Variants in SEMA3D observed in about 807,000 individuals in gnomAD.
The protein encoded by SEMA3D is semaphorin 3D.
SEMA3D carries 84 observed loss-of-function variants against 100.1 expected under a neutral mutation model. The ratio of observed to expected loss-of-function variants is 0.84; its 90% CI spans 0.70 to 1.01. The LOEUF (loss-of-function observed/expected upper bound fraction) is 1.01. Ranked by LOEUF, SEMA3D falls within the 50% of genes least tolerant of loss-of-function variation. The pLI, the probability that SEMA3D is intolerant of heterozygous loss-of-function variation, is 0.00. For synonymous variants in SEMA3D, 312 were observed against 320.7 expected (o/e 0.97, Z 0.29); for missense variants, 875 against 934.1 (o/e 0.94, Z 0.82).
chr7:85,116,453 A>G (rs1359838004), intron 3 of SEMA3D, among the ~76,000 whole-genome samples: 1 of 148,040 alleles, frequency 6.8e-6, no homozygotes, highest in Non-Finnish European at 1.5e-5. Flanking sequence ...ACATATATAA[A>G]TACATATATA....
intron 1 of SEMA3D, among the ~76,000 whole-genome samples, chr7:85,174,202 C>T (rs1791162194): frequency 6.6e-6 from 1 of 152,132 alleles, no homozygotes; most frequent in Non-Finnish European, 1.5e-5. Flanking sequence ...GTGTTTGATA[C>T]TGTAAGGATA....
intron 1 of SEMA3D, among the ~76,000 whole-genome samples, chr7:85,166,726 T>C (rs1790917447): frequency 6.6e-6 from 1 of 151,884 alleles, no homozygotes; most frequent in Non-Finnish European, 1.5e-5. Flanking sequence ...GCATTAGAGA[T>C]GACTGATGTG....
At chr7:85,203,118 T>C in the SEMA3D span, among the ~76,000 whole-genome samples, 1 of 152,164 alleles carries the variant, frequency 6.6e-6, no homozygotes, top group Non-Finnish European at 1.5e-5. Flanking sequence ...CTCTCTTTTC[T>C]CAAAAATATG....
At chr7:85,044,276 G>C (rs969171457) in intron 9 of SEMA3D, among the ~76,000 whole-genome samples, 1 of 151,954 alleles carries the variant, frequency 6.6e-6, no homozygotes, top group African/African-American at 2.4e-5. Flanking sequence ...GGGAAGGGGA[G>C]AAAGAAAGGA....
the SEMA3D span, among the ~76,000 whole-genome samples, chr7:85,233,864 G>A: frequency 6.6e-6 from 1 of 152,160 alleles, no homozygotes. Context: ...GATTAAAAGA[G>A]ACCAAAATGA....
rs1038544596 is a variant in SEMA3D at position 85,186,811 on chromosome 7, C to G, written c.-306G>C. 1.3e-5 allele frequency: 2 copies of G among 152,180 alleles called. No individual in the cohort carries two copies. Among genetic ancestry groups the G allele is most frequent in the Non-Finnish European group, 2.9e-5 (2 of 68,080 alleles). 9.4% of individuals were successfully genotyped at this position (152,180 alleles called of 1,614,324 possible). The stretch of plus-strand genomic sequence containing the variant: ...GCGTTCCTCTGAGCCGCAGCCCTGG[C>G]TGAGCAAGCGGAGCCGCCGGCAGCC... On this transcript the variant is annotated 5_prime_UTR_variant, in exon 1 of 19. Coordinates refer to ENST00000284136, the MANE Select transcript of SEMA3D (RefSeq NM_001384900.1).
At chr7:85,027,488 GGAGA>G (rs781168548) in intron 12 of SEMA3D, among the ~76,000 whole-genome samples, 2 of 151,858 alleles carry the variant, frequency 1.3e-5, no homozygotes, top group Non-Finnish European at 2.9e-5. Context: ...TCTTGCAGAG[GGAGA>G]GATATTTCAT....
At chr7:85,036,455 A>T (rs1011374960) in intron 12 of SEMA3D, among the ~76,000 whole-genome samples, 1 of 152,170 alleles carries the variant, frequency 6.6e-6, no homozygotes, top group Non-Finnish European at 1.5e-5. Context: ...ATGCATACCA[A>T]AAAAGAGATA....
chr7:85,033,649 A>C (rs1790607143), intron 12 of SEMA3D, among the ~76,000 whole-genome samples: 1 of 152,082 alleles, frequency 6.6e-6, no homozygotes, highest in Non-Finnish European at 1.5e-5. Flanking sequence ...TCATTCTCCT[A>C]TAATATCTAG....
chr7:85,006,579 TA>T (rs1789801275), intron 18 of SEMA3D, among the ~76,000 whole-genome samples: 2 of 151,950 alleles, frequency 1.3e-5, no homozygotes, highest in Admixed American at 1.3e-4. Context: ...TAAATTTCTT[TA>T]AAAAAATCAG....
the SEMA3D span, among the ~76,000 whole-genome samples, chr7:85,194,785 G>T: frequency 6.6e-6 from 1 of 152,026 alleles, no homozygotes; most frequent in East Asian, 1.9e-4. Context: ...GTATCATCAG[G>T]GTTAGTTTAT....
intron 12 of SEMA3D, among the ~76,000 whole-genome samples, chr7:85,027,060 G>A (rs1790410353): frequency 6.6e-6 from 1 of 152,038 alleles, no homozygotes; most frequent in Non-Finnish European, 1.5e-5. Flanking sequence ...TCTTCTCCAA[G>A]ATTTACTTCT....
At chr7:85,164,440 T>C (rs1175068559) in intron 1 of SEMA3D, among the ~76,000 whole-genome samples, 1 of 152,106 alleles carries the variant, frequency 6.6e-6, no homozygotes, top group East Asian at 1.9e-4. Flanking sequence ...GAGCTGCAAA[T>C]CTTTAAAAAA....
At chr7:85,042,876 A>T (rs1236986541) in intron 9 of SEMA3D, among the ~76,000 whole-genome samples, 1 of 152,234 alleles carries the variant, frequency 6.6e-6, no homozygotes, top group Non-Finnish European at 1.5e-5. Context: ...GGGGAAAAAA[A>T]GTCTATAAAA....
the SEMA3D span, among the ~76,000 whole-genome samples, chr7:85,234,614 T>G: frequency 5.9e-5 from 9 of 152,098 alleles, no homozygotes; most frequent in Non-Finnish European, 8.8e-5. Context: ...TCAGAAAAAT[T>G]TATGAAAGGA....
chr7:85,026,698 CTCTT>C (rs1790399565), intron 12 of SEMA3D, among the ~76,000 whole-genome samples: 1 of 152,022 alleles, frequency 6.6e-6, no homozygotes, highest in Non-Finnish European at 1.5e-5. Flanking sequence ...TCTTTTAAAA[CTCTT>C]ACTTAATGGG....
At chr7:85,228,309 A>G in the SEMA3D span, among the ~76,000 whole-genome samples, 1 of 152,188 alleles carries the variant, frequency 6.6e-6, no homozygotes, top group Non-Finnish European at 1.5e-5. Context: ...CGCGAAAGAA[A>G]CACAACCATT....
At chr7:85,209,759 T>G in the SEMA3D span, among the ~76,000 whole-genome samples, 1 of 151,992 alleles carries the variant, frequency 6.6e-6, no homozygotes, top group Non-Finnish European at 1.5e-5. Flanking sequence ...AATAATGAAA[T>G]AGTTGTTCAG....
At chr7:85,069,723 T>A (rs1791720860) in intron 6 of SEMA3D, among the ~76,000 whole-genome samples, 2 of 152,156 alleles carry the variant, frequency 1.3e-5, no homozygotes, top group African/African-American at 4.8e-5. Context: ...AAGAAAACAT[T>A]TATTTATCAC....
Sources: allele counts gnomAD v4.1 joint callset (sites outside exome capture counted in the v4.1 genomes callset), GRCh38; gene constraint gnomAD v4.1.1; transcripts MANE v1.5; gene names NCBI Gene and HGNC (gene_info 2026-07-23, HGNC 2026-07-21).